Variants in TNRC6C observed in about 807,000 individuals in gnomAD.
The protein encoded by TNRC6C is trinucleotide repeat-containing gene 6C protein.
A neutral mutation model predicts 153.7 loss-of-function variants in TNRC6C; 20 were observed. The ratio of observed to expected loss-of-function variants is 0.13; its 90% CI spans 0.09 to 0.19. The LOEUF (loss-of-function observed/expected upper bound fraction) is 0.19. Among genes scored for constraint, TNRC6C ranks in the 10% least tolerant of loss-of-function variants. TNRC6C has a pLI of 1.00. For missense variants in TNRC6C, 1,987 were observed against 2,172.0 expected (o/e 0.91, Z 1.69); for synonymous variants, 811 against 841.4 (o/e 0.96, Z 0.63).
At chr17:78,015,249 A>C (rs972302744) in intron 1 of TNRC6C, among the ~76,000 whole-genome samples, 1 of 152,186 alleles carries the variant, frequency 6.6e-6, no homozygotes, top group South Asian at 2.1e-4. Flanking sequence ...CTGAGATGAC[A>C]TCAGTCATAG....
intron 1 of TNRC6C, among the ~76,000 whole-genome samples, chr17:78,009,103 G>C (rs774948289): frequency 7.2e-5 from 11 of 152,152 alleles, no homozygotes; most frequent in Non-Finnish European, 1.5e-4. Flanking sequence ...GACCCTAGAT[G>C]CTCTTATACT....
upstream of TNRC6C, among the ~76,000 whole-genome samples, chr17:78,001,711 G>A (rs1430637975): frequency 6.6e-6 from 1 of 152,048 alleles, no homozygotes. Context: ...AAGTATATAT[G>A]TTTTTATACA....
chr17:78,067,632 A>C, intron 4 of TNRC6C, 125 bp from the exon 7 acceptor site: 1 of 965,366 alleles, frequency 1.0e-6, no homozygotes. Flanking sequence ...GGGAGAAATG[A>C]AGGCATAAAA....
intron 1 of TNRC6C, among the ~76,000 whole-genome samples, chr17:77,987,267 T>G (rs2071183273): frequency 6.6e-6 from 1 of 152,198 alleles, no homozygotes; most frequent in South Asian, 2.1e-4. Context: ...TCATTAATAG[T>G]CAAAGAATTG....
chr17:78,092,576 G>A (rs1314632336), intron 14 of TNRC6C, among the ~76,000 whole-genome samples: 2 of 152,112 alleles, frequency 1.3e-5, no homozygotes, highest in African/African-American at 2.4e-5. Flanking sequence ...GGCTGAAATT[G>A]TAGCTAACTG....
exon 3 of TNRC6C, chr17:78,050,537 A>C: frequency 6.2e-7 from 1 of 1,613,912 alleles, no homozygotes; most frequent in Non-Finnish European, 8.5e-7. Context: ...TCAGGGGGGA[A>C]GAACGATGGG....
chr17:78,080,649 G>T (rs1567956487), intron 10 of TNRC6C, among the ~76,000 whole-genome samples: 1 of 152,118 alleles, frequency 6.6e-6, no homozygotes, highest in African/African-American at 2.4e-5. Context: ...GATAATCAAT[G>T]GTATTGATAA....
At position 78,097,736 on chromosome 17, in the gene TNRC6C, G is replaced by A. The variant is rs2073513357; in HGVS notation, c.4307-607G>A. 6.5e-7 allele frequency: 1 copy of A among 1,543,014 alleles called. No individual in the cohort carries two copies. The highest frequency in any genetic ancestry group is 1.2e-5 in the South Asian group (1 of 83,292). ...ACCACCTTGCTCAGTGCCGTGTTTG[G>A]TTCTGCAGGGTCCTCCCCGCCATCA... On this transcript the variant is annotated intron_variant, in intron 16 of 19. Transcript: ENST00000301624.
chr17:78,034,024 A>G (rs575287247), intron 2 of TNRC6C, among the ~76,000 whole-genome samples: 2 of 152,002 alleles, frequency 1.3e-5, no homozygotes, highest in South Asian at 2.1e-4. Context: ...AGTCTCCCCA[A>G]CATTTTCCCC....
exon 9 of TNRC6C, chr17:78,077,233 C>T (rs758883018): frequency 3.1e-6 from 5 of 1,602,664 alleles, no homozygotes; most frequent in Admixed American, 1.7e-5. Context: ...CTTGCCTTCC[C>T]CAAGCCTGAA....
chr17:78,011,926 G>A (rs764047247), intron 1 of TNRC6C: 1 of 152,070 alleles, frequency 6.6e-6, no homozygotes, highest in African/African-American at 2.4e-5. Context: ...ATTTTAATGT[G>A]CTTATTTGTC....
intron 12 of TNRC6C, 126 bp downstream of exon 14, chr17:78,086,712 G>A (rs2073297847): frequency 1.3e-6 from 2 of 1,559,798 alleles, no homozygotes; most frequent in Admixed American, 1.7e-5. Context: ...GAAAATTCCT[G>A]GGTTCAGCTA....
At chr17:78,082,958 T>A in intron 10 of TNRC6C, 89 bp from the exon 13 acceptor site, 3 of 1,486,828 alleles carry the variant, frequency 2.0e-6, no homozygotes, top group Non-Finnish European at 2.7e-6. Flanking sequence ...AATTATCATT[T>A]AATCATTTTT....
At chr17:77,958,491 G>A (rs917137760), upstream of TNRC6C, among the ~76,000 whole-genome samples, 18 of 152,156 alleles carry the variant, frequency 1.2e-4, no homozygotes, top group East Asian at 3.5e-3. Flanking sequence ...GAGGAGGCGT[G>A]GCCTGGCCGA....
upstream of TNRC6C, among the ~76,000 whole-genome samples, chr17:78,001,465 G>A (rs1376046802): frequency 2.0e-5 from 3 of 152,156 alleles, no homozygotes; most frequent in East Asian, 5.8e-4. Flanking sequence ...TACTGGAAAG[G>A]AGGTGAAGAT....
upstream of TNRC6C, among the ~76,000 whole-genome samples, chr17:78,001,302 C>A (rs904782999): frequency 2.6e-5 from 4 of 152,222 alleles, no homozygotes; most frequent in Non-Finnish European, 5.9e-5. Context: ...GCCCTTCAAA[C>A]TTGCTCTGGG....
At chr17:78,050,929 A>G (rs889500573) in exon 3 of TNRC6C, 1 of 1,614,018 alleles carries the variant, frequency 6.2e-7, no homozygotes. Flanking sequence ...GGATGCTGAC[A>G]GTAATAGGTC....
At chr17:77,977,872 T>C (rs536552505) in intron 1 of TNRC6C, among the ~76,000 whole-genome samples, 1 of 151,476 alleles carries the variant, frequency 6.6e-6, no homozygotes, top group South Asian at 2.1e-4. Context: ...TCAGTATCAG[T>C]ATTTTTTCTT....
chr17:78,104,097 C>T lies in TNRC6C; in HGVS notation c.4713-388C>T, dbSNP rs1336663073. Among the ~76,000 whole-genome samples the T allele has an allele frequency of 2.0e-5, 3 of 152,220 alleles. No homozygotes were observed. Among genetic ancestry groups the T allele is most frequent in the African/African-American group, 7.2e-5 (3 of 41,444 alleles). ...CTACACAGGGCCCAGCAGTGGTCCT[C>T]ACAGCCAACCCTTCACCCTAGTGAA... On this transcript the variant is annotated intron_variant, in intron 19 of 19. Transcript: ENST00000301624. This position sits in a 1 kb window ranked among gnomAD's most constrained non-coding sequence, Gnocchi z 6.2.
Sources: allele counts gnomAD v4.1 joint callset (sites outside exome capture counted in the v4.1 genomes callset), GRCh38; gene constraint gnomAD v4.1.1; non-coding constraint Gnocchi (gnomAD v3.1); transcripts MANE v1.5; gene names NCBI Gene and HGNC (gene_info 2026-07-23, HGNC 2026-07-21).